The following CMKLR1 variants were observed in gnomAD, a reference collection of about 807,000 sequenced individuals.
CMKLR1 encodes chemerin chemokine-like receptor 1.
In CMKLR1, 6 loss-of-function variants were observed where a neutral mutation model predicts 8.2. The ratio of observed to expected loss-of-function variants is 0.73; its 90% CI spans 0.40 to 1.44. CMKLR1 has a LOEUF of 1.44. CMKLR1 is among the 40% of genes most tolerant of loss of function. The pLI is 0.02. For missense variants in CMKLR1, 429 were observed against 478.0 expected, an observed-to-expected ratio of 0.90 and a Z score of 0.96; for synonymous variants, 178 against 181.2, an observed-to-expected ratio of 0.98 and a Z score of 0.14.
chr12:108,329,763 A>G (rs1052897139), intron 2 of CMKLR1, among the ~76,000 whole-genome samples: 3 of 152,178 alleles, frequency 2.0e-5, no homozygotes, highest in Non-Finnish European at 4.4e-5. Flanking sequence ...CCTGTATCCC[A>G]TGCTCCTAGC....
intron 2 of CMKLR1, among the ~76,000 whole-genome samples, chr12:108,318,830 T>C (rs1406571993): frequency 1.3e-5 from 2 of 152,340 alleles, no homozygotes; most frequent in Admixed American, 1.3e-4. Flanking sequence ...AAGTTGAAGC[T>C]GCTTTTTATT....
At chr12:108,314,035 G>C (rs546039608) in intron 2 of CMKLR1, among the ~76,000 whole-genome samples, 1 of 152,304 alleles carries the variant, frequency 6.6e-6, no homozygotes, top group East Asian at 1.9e-4. Flanking sequence ...TGCTCTCCTG[G>C]GTTGGGGAGG....
intron 2 of CMKLR1, among the ~76,000 whole-genome samples, chr12:108,304,716 C>T (rs904682033): frequency 4.6e-5 from 7 of 152,218 alleles, no homozygotes; most frequent in Non-Finnish European, 8.8e-5. Context: ...TCCTGCACAC[C>T]GGTCACGGGT....
intron 2 of CMKLR1, among the ~76,000 whole-genome samples, chr12:108,322,289 A>G (rs143105429): frequency 0.012 from 1,894 of 152,270 alleles, 40 homozygotes; most frequent in African/African-American, 0.043. Flanking sequence ...AGGGAAGCTC[A>G]GGGCTTCGTC....
intron 2 of CMKLR1, among the ~76,000 whole-genome samples, chr12:108,327,817 C>T (rs1284269476): frequency 1.3e-5 from 2 of 152,188 alleles, no homozygotes; most frequent in Non-Finnish European, 2.9e-5. Flanking sequence ...CGAGGAGGTG[C>T]AGTGGGCTTC....
chr12:108,334,936 C>A (rs1041044899), intron 1 of CMKLR1, among the ~76,000 whole-genome samples: 1 of 152,060 alleles, frequency 6.6e-6, no homozygotes, highest in African/African-American at 2.4e-5. Flanking sequence ...TTCCTTTTTC[C>A]AGGGGGAAAA....
chr12:108,327,031 A>C (rs1891995589), intron 2 of CMKLR1, among the ~76,000 whole-genome samples: 1 of 152,164 alleles, frequency 6.6e-6, no homozygotes, highest in South Asian at 2.1e-4. Context: ...CTGATCCAGG[A>C]TCACCCAGCT....
rs577081175 is a variant in CMKLR1 at position 108,301,764 on chromosome 12, G to A, written c.-73-8100C>T. Among the ~76,000 whole-genome samples the A allele has an allele frequency of 2.7e-4, 41 of 152,290 alleles. No individual in the cohort carries two copies. The East Asian group carries it at 3.9e-3, about 14-fold the overall frequency. On this transcript the variant is annotated intron_variant, in intron 2 of 3. Coordinates refer to ENST00000550402, the MANE Select transcript of CMKLR1 (RefSeq NM_001142343.2). ...ACATACAGAGCTTAATGCCCATGTC[G>A]TTGTTGTGTTATTGTTATTAGTGTT... is the stretch of plus-strand genomic sequence containing the variant.
intron 2 of CMKLR1, among the ~76,000 whole-genome samples, chr12:108,311,669 A>G (rs1469601664): frequency 6.6e-6 from 1 of 152,170 alleles, no homozygotes; most frequent in East Asian, 1.9e-4. Flanking sequence ...TAAGGGGAAA[A>G]GGCAGCATAG....
intron 2 of CMKLR1, among the ~76,000 whole-genome samples, chr12:108,295,666 G>A (rs1370373683): frequency 6.6e-6 from 1 of 152,238 alleles, no homozygotes; most frequent in Non-Finnish European, 1.5e-5. Context: ...GAAGGTGGAA[G>A]GCAGAGAAAG....
intron 2 of CMKLR1, among the ~76,000 whole-genome samples, chr12:108,295,564 C>T (rs1159371755): frequency 1.3e-5 from 2 of 152,228 alleles, no homozygotes; most frequent in Non-Finnish European, 2.9e-5. Context: ...CCCCAAGAAG[C>T]CCAGAGGAGG....
intron 2 of CMKLR1, among the ~76,000 whole-genome samples, chr12:108,311,133 T>C (rs1891554924): frequency 6.6e-6 from 1 of 152,140 alleles, no homozygotes; most frequent in African/African-American, 2.4e-5. Context: ...CCCAGTGAAC[T>C]GAAGTCAATG....
intron 1 of CMKLR1, among the ~76,000 whole-genome samples, chr12:108,332,160 C>T (rs1481611238): frequency 6.6e-6 from 1 of 152,200 alleles, no homozygotes; most frequent in African/African-American, 2.4e-5. Flanking sequence ...ACATGGCAGA[C>T]ACTCTCTCAA....
At chr12:108,316,288 G>T (rs1891726484) in intron 2 of CMKLR1, among the ~76,000 whole-genome samples, 1 of 152,148 alleles carries the variant, frequency 6.6e-6, no homozygotes, top group Non-Finnish European at 1.5e-5. Flanking sequence ...CCCCAGCAGG[G>T]CAGGGGCTCG....
intron 2 of CMKLR1, among the ~76,000 whole-genome samples, chr12:108,328,587 C>T (rs529319507): frequency 3.9e-4 from 59 of 152,314 alleles, no homozygotes; most frequent in African/African-American, 1.3e-3. Flanking sequence ...CACCCGGTGG[C>T]CATCCCTTCT....
chr12:108,319,031 C>A (rs1015468913), intron 2 of CMKLR1, among the ~76,000 whole-genome samples: 1 of 152,142 alleles, frequency 6.6e-6, no homozygotes, highest in African/African-American at 2.4e-5. Context: ...CCTCATCTCC[C>A]TCTTTGTAGC....
At chr12:108,321,153 A>G (rs891333472) in intron 2 of CMKLR1, among the ~76,000 whole-genome samples, 3 of 152,220 alleles carry the variant, frequency 2.0e-5, no homozygotes, top group Non-Finnish European at 2.9e-5. Flanking sequence ...CATATCCTCA[A>G]TAACCCCTTC....
chr12:108,318,608 G>A (rs141263668), intron 2 of CMKLR1, among the ~76,000 whole-genome samples: 36 of 152,260 alleles, frequency 2.4e-4, no homozygotes, highest in African/African-American at 6.5e-4. Flanking sequence ...AGGCCTCCTC[G>A]TCACCCCAGA....
At chr12:108,316,431 G>A (rs1022539257) in intron 2 of CMKLR1, among the ~76,000 whole-genome samples, 3 of 152,222 alleles carry the variant, frequency 2.0e-5, no homozygotes, top group African/African-American at 7.2e-5. Context: ...AAGCCAGCAG[G>A]AAGAGGAGAG....
Sources: gnomAD v4.1 joint callset for allele counts (sites outside exome capture counted in the v4.1 genomes callset) on GRCh38, gnomAD v4.1.1 for gene constraint, MANE v1.5 for transcripts, NCBI Gene and HGNC (gene_info 2026-07-23, HGNC 2026-07-21) for gene names.